Variants in SHCBP1 observed in about 807,000 individuals in gnomAD.
SHCBP1 encodes the protein SHC binding and spindle associated 1.
SHCBP1 carries 60 observed loss-of-function variants against 75.1 expected under a neutral mutation model. The observed-to-expected ratio is 0.80, with a 90% CI of 0.65 to 0.99. The LOEUF is 0.99. SHCBP1 is among the 50% of genes least tolerant of loss of function. The probability of loss-of-function intolerance (pLI) is 0.00; values close to 1 mark genes in which losing one functional copy is unlikely to be tolerated. For missense variants in SHCBP1, 709 were observed against 809.4 expected (o/e 0.88, Z 1.50); for synonymous variants, 290 against 293.2 (o/e 0.99, Z 0.11).
chr16:46,608,206 T>G (rs1596685193), intron 5 of SHCBP1, 91 bp downstream of exon 5: 6 of 697,492 alleles, frequency 8.6e-6, no homozygotes, highest in South Asian at 5.2e-5. Flanking sequence ...AGTGTGGGTG[T>G]GTGTGTGTGT....
chr16:46,584,118 A>G (rs1398517325), intron 10 of SHCBP1, 29 bp from the exon 11 acceptor site: 2 of 1,532,456 alleles, frequency 1.3e-6, no homozygotes, highest in Non-Finnish European at 1.8e-6. Context: ...GATAATGACA[A>G]TCAGTTTTTA....
intron 10 of SHCBP1, among the ~76,000 whole-genome samples, chr16:46,593,188 G>C (rs144075540): frequency 8.0e-4 from 121 of 151,970 alleles, no homozygotes; most frequent in African/African-American, 2.7e-3. Context: ...CTTATTTGCA[G>C]ATAACATTAC....
intron 10 of SHCBP1, among the ~76,000 whole-genome samples, chr16:46,591,238 G>A (rs148316709): frequency 0.01 from 1,551 of 152,216 alleles, 6 homozygotes; most frequent in Non-Finnish European, 0.016. Context: ...AATGGGTGCA[G>A]CACACCAACA....
intron 10 of SHCBP1, among the ~76,000 whole-genome samples, chr16:46,585,940 T>C (rs1319347276): frequency 2.6e-5 from 4 of 152,180 alleles, no homozygotes; most frequent in Admixed American, 6.5e-5. Context: ...CCATGACTTC[T>C]ACCTCCACCA....
chr16:46,602,372 C>G (rs1965253700), intron 8 of SHCBP1, among the ~76,000 whole-genome samples: 2 of 152,276 alleles, frequency 1.3e-5, no homozygotes, highest in South Asian at 4.1e-4. Flanking sequence ...AACTAAACTT[C>G]CAGCTTCAGT....
intron 1 of SHCBP1, chr16:46,620,975 G>A (rs1965579201): frequency 2.6e-6 from 1 of 386,564 alleles, no homozygotes; most frequent in Admixed American, 4.3e-5. Context: ...CATCCAGATA[G>A]GGAATTCCTG....
chr16:46,588,200 G>A (rs1299290349), intron 10 of SHCBP1, among the ~76,000 whole-genome samples: 2 of 151,970 alleles, frequency 1.3e-5, no homozygotes, highest in Non-Finnish European at 2.9e-5. Context: ...AGCACTAAAT[G>A]CCCACAAGAG....
chr16:46,589,640 G>A (rs1965009680), intron 10 of SHCBP1, among the ~76,000 whole-genome samples: 1 of 152,136 alleles, frequency 6.6e-6, no homozygotes, highest in Non-Finnish European at 1.5e-5. Flanking sequence ...CCTCTTCAAG[G>A]AGAACTACAA....
At chr16:46,587,792 C>A (rs985075940) in intron 10 of SHCBP1, among the ~76,000 whole-genome samples, 1 of 152,166 alleles carries the variant, frequency 6.6e-6, no homozygotes, top group Non-Finnish European at 1.5e-5. Context: ...AGGAATTGAA[C>A]TCAGCTCTGC....
intron 8 of SHCBP1, among the ~76,000 whole-genome samples, chr16:46,600,507 C>T (rs1021213108): frequency 6.6e-6 from 1 of 152,102 alleles, no homozygotes; most frequent in African/African-American, 2.4e-5. Context: ...GGACTTACAG[C>T]TGAGTCAAAG....
chr16:46,592,322 T>C (rs1965060024), intron 10 of SHCBP1, among the ~76,000 whole-genome samples: 1 of 152,116 alleles, frequency 6.6e-6, no homozygotes, highest in Non-Finnish European at 1.5e-5. Context: ...CTACAAACAA[T>C]TCTATGCATA....
intron 1 of SHCBP1, among the ~76,000 whole-genome samples, chr16:46,619,046 G>A (rs1014590163): frequency 3.9e-5 from 6 of 152,130 alleles, no homozygotes; most frequent in Non-Finnish European, 7.3e-5. Context: ...AAACAGGGAC[G>A]AGAGTCTTAA....
chr16:46,580,227 A>C lies in SHCBP1; in HGVS notation c.*1502T>G, dbSNP rs1237990041. On this transcript the variant is annotated 3_prime_UTR_variant, in exon 13 of 13. Coordinates refer to ENST00000303383, the MANE Select transcript of SHCBP1 (RefSeq NM_024745.5). ...ATTAAAAAAAAGAATAAAAGGTTTT[A>C]ATATCAACATTTGGCTGAAACTGAT... 6.6e-6 allele frequency among the ~76,000 whole-genome samples: 1 copy of C among 152,148 alleles called. No homozygotes were observed. The highest frequency in any genetic ancestry group is 2.4e-5 in the African/African-American group (1 of 41,444).
chr16:46,607,225 T>C (rs1290036385), intron 5 of SHCBP1, among the ~76,000 whole-genome samples: 1 of 152,122 alleles, frequency 6.6e-6, no homozygotes, highest in Non-Finnish European at 1.5e-5. Context: ...TGTGGTGGCA[T>C]GCACCTGTAT....
In SHCBP1 at chr16:46,581,924, G is replaced by C. The variant is rs201215816; in HGVS notation, c.1824C>G (p.Val608=). 2 of 1,613,990 alleles carry C rather than the reference G, an allele frequency of 1.2e-6. No homozygotes were observed. The highest frequency in any genetic ancestry group is 2.2e-5 in the East Asian group (1 of 44,872). ...CATTTACAATTTCACAATTTCCCTCGACTTGCTCAGAAGGGTCAGTTCTTG... is the reference window on the plus strand; with the variant it reads ...CATTTACAATTTCACAATTTCCCTCCACTTGCTCAGAAGGGTCAGTTCTTG... ...LCARTDPSEQ[V]EGNCEIVNEL... The change falls in exon 13 of 13, where the codon GTC becomes GTG. Residue 608 remains valine (V), a synonymous_variant. Transcript: ENST00000303383.
chr16:46,600,309 C>A (rs565692031), intron 8 of SHCBP1, among the ~76,000 whole-genome samples: 15 of 152,088 alleles, frequency 9.9e-5, no homozygotes, highest in South Asian at 2.1e-4. Context: ...TCTACAAAAA[C>A]CAAAAAAATT....
intron 1 of SHCBP1, 133 bp from the exon 2 acceptor site, chr16:46,618,505 A>G (rs1965538165): frequency 1.1e-6 from 1 of 903,662 alleles, no homozygotes; most frequent in Non-Finnish European, 1.5e-6. Flanking sequence ...TACCTCTACC[A>G]TTGTGAGAAG....
At chr16:46,584,275 G>T in intron 10 of SHCBP1, 186 bp from the exon 11 acceptor site, 1 of 416,552 alleles carries the variant, frequency 2.4e-6, no homozygotes, top group Non-Finnish European at 4.3e-6. Flanking sequence ...CTAGCAAGTT[G>T]TTGACAATTT....
At chr16:46,606,945 C>T (rs541941269) in intron 5 of SHCBP1, among the ~76,000 whole-genome samples, 159 of 152,208 alleles carry the variant, frequency 1.0e-3, no homozygotes, top group African/African-American at 3.6e-3. Context: ...CTCAGCCTCC[C>T]CAGCAGCTGG....
Sources: allele counts gnomAD v4.1 joint callset (sites outside exome capture counted in the v4.1 genomes callset), GRCh38; gene constraint gnomAD v4.1.1; transcripts MANE v1.5; gene names NCBI Gene and HGNC (gene_info 2026-07-23, HGNC 2026-07-21).